The following PCDH15 variants were observed in gnomAD, a reference collection of about 807,000 sequenced individuals.
The protein encoded by PCDH15 is protocadherin related 15, also known as protocadherin-15.
Under a neutral mutation model 178.5 loss-of-function variants are expected in PCDH15, and 129 were observed. The ratio of observed to expected loss-of-function variants is 0.72; its 90% CI spans 0.63 to 0.84. PCDH15 has a LOEUF of 0.84. Among genes scored for constraint, PCDH15 ranks in the 40% least tolerant of loss-of-function variants. The pLI is 0.00. For missense variants in PCDH15, 2,230 were observed against 2,099.9 expected (o/e 1.06, Z -1.21); for synonymous variants, 800 against 732.0 (o/e 1.09, Z -1.50).
intron 2 of PCDH15, among the ~76,000 whole-genome samples, chr10:54,578,433 G>T (rs1184180307): frequency 6.6e-6 from 1 of 151,958 alleles, no homozygotes; most frequent in South Asian, 2.1e-4. Context: ...AACCTTATAG[G>T]AAAACACTAG....
intron 3 of PCDH15, among the ~76,000 whole-genome samples, chr10:54,884,480 GGT>G (rs11473798): frequency 0.047 from 7,014 of 148,642 alleles, 435 homozygotes; most frequent in African/African-American, 0.15. Flanking sequence ...TACTAAGATA[GGT>G]GTGTGTGTGT....
intron 33 of PCDH15, 98 bp downstream of exon 33, chr10:53,820,067 T>TATC (rs1461939357): frequency 2.5e-6 from 1 of 394,962 alleles, no homozygotes; most frequent in African/African-American, 2.1e-5. Context: ...TTTATAGATT[T>TATC]ATCAAGAAAT....
chr10:55,131,769 T>C (rs1463040901), intron 2 of PCDH15, among the ~76,000 whole-genome samples: 1 of 152,108 alleles, frequency 6.6e-6, no homozygotes, highest in African/African-American at 2.4e-5. Flanking sequence ...GTTGACTTTG[T>C]GGTTTTTATG....
intron 28 of PCDH15, among the ~76,000 whole-genome samples, chr10:53,855,904 G>GTATA (rs56290679): frequency 0.23 from 25,133 of 109,544 alleles, 4,745 homozygotes; most frequent in Non-Finnish European, 0.31. Flanking sequence ...AAGGTGATAT[G>GTATA]TATATATATA....
At chr10:55,615,320 A>G (rs1843451754) in intron 2 of PCDH15, among the ~76,000 whole-genome samples, 1 of 152,220 alleles carries the variant, frequency 6.6e-6, no homozygotes, top group African/African-American at 2.4e-5. Flanking sequence ...ACAGTAGTAA[A>G]CAATAAAAAT....
At chr10:55,486,349 A>T (rs532431371) in intron 2 of PCDH15, among the ~76,000 whole-genome samples, 1 of 151,846 alleles carries the variant, frequency 6.6e-6, no homozygotes, top group South Asian at 2.1e-4. Context: ...ATCATTTTGC[A>T]AATTTTTTCT....
chr10:55,248,813 TC>T (rs1442981880), intron 1 of PCDH15, among the ~76,000 whole-genome samples: 1 of 152,144 alleles, frequency 6.6e-6, no homozygotes, highest in African/African-American at 2.4e-5. Flanking sequence ...CACCTCAGCC[TC>T]CCAAAGAGCT....
At chr10:54,623,190 C>T (rs1451464515) in intron 2 of PCDH15, among the ~76,000 whole-genome samples, 1 of 152,054 alleles carries the variant, frequency 6.6e-6, no homozygotes, top group Non-Finnish European at 1.5e-5. Flanking sequence ...TACAGCCTTA[C>T]TCATCAAAGC....
intron 1 of PCDH15, among the ~76,000 whole-genome samples, chr10:54,695,556 G>C (rs1243868815): frequency 1.3e-5 from 2 of 152,124 alleles, no homozygotes; most frequent in African/African-American, 4.8e-5. Flanking sequence ...TTTTAATATA[G>C]ATGAAAATAC....
chr10:54,878,301 T>C (rs1475441189), intron 3 of PCDH15, among the ~76,000 whole-genome samples: 1 of 152,158 alleles, frequency 6.6e-6, no homozygotes, highest in East Asian at 1.9e-4. Context: ...CAAGCAACTT[T>C]AGGGAAAATT....
chr10:55,283,991 C>T (rs550944299), intron 1 of PCDH15, among the ~76,000 whole-genome samples: 2 of 147,406 alleles, frequency 1.4e-5, no homozygotes, highest in Non-Finnish European at 2.9e-5. Flanking sequence ...TTGTATATTA[C>T]AGTGCTTTAG....
chr10:53,988,404 T>TGAGTG (rs2091252491), intron 21 of PCDH15, among the ~76,000 whole-genome samples: 1 of 152,152 alleles, frequency 6.6e-6, no homozygotes, highest in Non-Finnish European at 1.5e-5. Context: ...ATAGTTGCAC[T>TGAGTG]CAGATGTTTT....
rs561223818 is a variant in PCDH15 at position 55,301,984 on chromosome 10, G to A, written c.-156+17615C>T. 7.3e-4 allele frequency among the ~76,000 whole-genome samples: 111 copies of A among 152,162 alleles called. No homozygotes were observed. In the South Asian group the frequency reaches 0.013, roughly 18 times the overall value. On this transcript the variant is annotated intron_variant, in intron 1 of 5. Coordinates refer to the PCDH15 transcript ENST00000458638. ...CCAAAACAGCACTGTCTTGATTATCGTGACTAGAAAATTAGACGAAGTTAG... is the reference window on the plus strand; with the variant it reads ...CCAAAACAGCACTGTCTTGATTATCATGACTAGAAAATTAGACGAAGTTAG...
chr10:55,323,331 G>A (rs967286656), upstream of PCDH15, among the ~76,000 whole-genome samples: 1 of 152,206 alleles, frequency 6.6e-6, no homozygotes, highest in African/African-American at 2.4e-5. Flanking sequence ...ACTGCCTAGT[G>A]GAGCTGTGAG....
At chr10:54,376,637 T>C (rs922224436) in intron 4 of PCDH15, among the ~76,000 whole-genome samples, 1 of 151,704 alleles carries the variant, frequency 6.6e-6, no homozygotes, top group East Asian at 1.9e-4. Context: ...ATGTAAATAA[T>C]GTTAAAACAA....
intron 2 of PCDH15, among the ~76,000 whole-genome samples, chr10:55,369,540 A>G (rs1458213087): frequency 6.6e-6 from 1 of 152,096 alleles, no homozygotes; most frequent in Non-Finnish European, 1.5e-5. Context: ...CGTACTAAAT[A>G]AATTAAATGC....
chr10:54,494,973 C>T (rs1261996263), intron 3 of PCDH15, among the ~76,000 whole-genome samples: 2 of 152,118 alleles, frequency 1.3e-5, no homozygotes, highest in East Asian at 1.9e-4. Context: ...GCTCTGATAG[C>T]TTTCAACTAA....
upstream of PCDH15, among the ~76,000 whole-genome samples, chr10:55,323,486 G>A (rs1565008637): frequency 6.6e-6 from 1 of 152,208 alleles, no homozygotes; most frequent in Admixed American, 6.5e-5. Context: ...CAGAGGCAGA[G>A]CTGCCCAAGA....
chr10:54,767,323 G>C (rs1438348929), intron 1 of PCDH15, among the ~76,000 whole-genome samples: 1 of 152,096 alleles, frequency 6.6e-6, no homozygotes, highest in Admixed American at 6.5e-5. Flanking sequence ...TAGTCATCAA[G>C]AATGATGATT....
Sources: gnomAD v4.1 joint callset for allele counts (sites outside exome capture counted in the v4.1 genomes callset) on GRCh38, gnomAD v4.1.1 for gene constraint, MANE v1.5 for transcripts, NCBI Gene and HGNC (gene_info 2026-07-23, HGNC 2026-07-21) for gene names.